The following VEZT variants were observed in gnomAD, a reference collection of about 807,000 sequenced individuals.
VEZT encodes vezatin, adherens junctions transmembrane protein.
VEZT carries 39 observed loss-of-function variants against 79.9 expected under a neutral mutation model. That is an observed-to-expected ratio of 0.49 (90% CI 0.38 to 0.64). VEZT has a LOEUF of 0.64. VEZT is among the 30% of genes least tolerant of loss of function. VEZT has a pLI of 0.00. For missense variants in VEZT, 837 were observed against 893.1 expected (o/e 0.94, Z 0.80); for synonymous variants, 325 against 327.6 (o/e 0.99, Z 0.09).
At chr12:95,285,857 A>G (rs1478479518) in intron 8 of VEZT, among the ~76,000 whole-genome samples, 1 of 152,166 alleles carries the variant, frequency 6.6e-6, no homozygotes, top group Admixed American at 6.6e-5. Flanking sequence ...GATGCAAAAA[A>G]GAAAAACCCA....
At chr12:95,265,066 G>A (rs1325249269) in intron 4 of VEZT, among the ~76,000 whole-genome samples, 1 of 151,736 alleles carries the variant, frequency 6.6e-6, no homozygotes, top group Non-Finnish European at 1.5e-5. Flanking sequence ...CTACTGTGTT[G>A]CCCAGTCTGG....
intron 6 of VEZT, among the ~76,000 whole-genome samples, chr12:95,272,390 G>T (rs1566201728): frequency 6.6e-6 from 1 of 152,306 alleles, no homozygotes; most frequent in East Asian, 1.9e-4. Flanking sequence ...ATAGACCAGT[G>T]AGTAGAAAGA....
At chr12:95,278,690 C>T (rs1461856748) in intron 7 of VEZT, among the ~76,000 whole-genome samples, 1 of 152,140 alleles carries the variant, frequency 6.6e-6, no homozygotes, top group African/African-American at 2.4e-5. Context: ...GTAAGTATTG[C>T]ACCTTTAGAA....
intron 9 of VEZT, among the ~76,000 whole-genome samples, chr12:95,291,955 T>C (rs553703201): frequency 1.1e-4 from 17 of 152,266 alleles, no homozygotes; most frequent in African/African-American, 3.6e-4. Flanking sequence ...TGCACCACCA[T>C]GCCCAGCTAG....
Position 95,242,876 on chromosome 12 carries a change from C to CAAAAAA in VEZT, c.37-9049_37-9044dup, listed in dbSNP as rs367689756. On this transcript the variant is annotated intron_variant, in intron 1 of 11. Coordinates refer to ENST00000436874, the MANE Select transcript of VEZT (RefSeq NM_017599.4). Reference sequence around the variant, plus strand: ...TGACAAGAGCATAACTCCATCTCACCAAAAAAAAAAAAAAAAAAAATCAGT... The same window carrying CAAAAAA: ...TGACAAGAGCATAACTCCATCTCACCAAAAAAAAAAAAAAAAAAAAAAAAAATCAGT... Among the ~76,000 whole-genome samples the CAAAAAA allele has an allele frequency of 1.6e-4, 10 of 64,304 alleles. No homozygotes were observed. The East Asian group carries it at 1.9e-3, about 12-fold the overall frequency. The allele number at this position is 64,304 out of a possible 152,430, so 42.2% of individuals were successfully genotyped here. A position where few individuals can be genotyped will look rare whatever the true frequency, so the allele number is the denominator to read the frequency against.
chr12:95,300,737 C>A lies in VEZT; in HGVS notation c.*64C>A. 1 of 1,469,440 alleles carries A rather than the reference C, an allele frequency of 6.8e-7. No homozygotes were observed. Among genetic ancestry groups the A allele is most frequent in the South Asian group, 1.4e-5 (1 of 69,210 alleles). 91.0% of individuals were successfully genotyped at this position (1,469,440 alleles called of 1,614,324 possible). A position where few individuals can be genotyped will look rare whatever the true frequency, so the allele number is the denominator to read the frequency against. On this transcript the variant is annotated 3_prime_UTR_variant, in exon 12 of 12. Coordinates refer to ENST00000436874, the MANE Select transcript of VEZT (RefSeq NM_017599.4). ...TTTACAAAAGTGTTTAGCTTCAAGA[C>A]TGGAAAGGGAATATGAGTGTAAGTT... is the stretch of plus-strand genomic sequence containing the variant.
At chr12:95,229,148 T>A (rs1179907677) in intron 1 of VEZT, among the ~76,000 whole-genome samples, 1 of 152,228 alleles carries the variant, frequency 6.6e-6, no homozygotes, top group Non-Finnish European at 1.5e-5. Context: ...TTCTTCTGTT[T>A]TGGCTTCTTC....
chr12:95,280,613 T>G (rs985929874), intron 7 of VEZT, among the ~76,000 whole-genome samples: 4 of 152,086 alleles, frequency 2.6e-5, no homozygotes, highest in African/African-American at 9.7e-5. Context: ...TTTCTTTTTC[T>G]TCCTCGACAA....
At chr12:95,217,989 G>C (rs2056941281) in intron 1 of VEZT, 103 bp downstream of exon 1, 1 of 1,234,984 alleles carries the variant, frequency 8.1e-7, no homozygotes. Flanking sequence ...CGGGTGACGC[G>C]CTCCAGCTGG....
intron 7 of VEZT, among the ~76,000 whole-genome samples, chr12:95,280,253 C>T (rs910426312): frequency 1.3e-5 from 2 of 152,130 alleles, no homozygotes; most frequent in Admixed American, 1.3e-4. Context: ...GCTTACCTGG[C>T]CCCAGCCGTA....
chr12:95,292,070 G>A (rs1008730238), intron 9 of VEZT, among the ~76,000 whole-genome samples: 1 of 152,198 alleles, frequency 6.6e-6, no homozygotes, highest in African/African-American at 2.4e-5. Flanking sequence ...AAAGTGCTGA[G>A]ATTACAGGCT....
chr12:95,233,998 G>T (rs557740587), intron 1 of VEZT, among the ~76,000 whole-genome samples: 3 of 152,268 alleles, frequency 2.0e-5, no homozygotes, highest in Admixed American at 1.3e-4. Context: ...AATAGTGTAT[G>T]ATGTATCTGT....
chr12:95,273,651 AG>A (rs2067081437), intron 6 of VEZT, among the ~76,000 whole-genome samples: 1 of 152,198 alleles, frequency 6.6e-6, no homozygotes, highest in Non-Finnish European at 1.5e-5. Context: ...ACTATAGAAA[AG>A]GTTAGAAAGT....
At chr12:95,246,413 G>T (rs2061731491) in intron 1 of VEZT, among the ~76,000 whole-genome samples, 1 of 152,062 alleles carries the variant, frequency 6.6e-6, no homozygotes, top group Non-Finnish European at 1.5e-5. Context: ...GTGAGCCACC[G>T]CACCCACCCA....
intron 1 of VEZT, among the ~76,000 whole-genome samples, chr12:95,232,525 C>G (rs1411201323): frequency 6.6e-6 from 1 of 152,194 alleles, no homozygotes; most frequent in Non-Finnish European, 1.5e-5. Context: ...AATTACTTCT[C>G]AAACATTACA....
intron 9 of VEZT, among the ~76,000 whole-genome samples, chr12:95,290,081 C>G (rs543070443): frequency 5.5e-4 from 84 of 152,278 alleles, no homozygotes; most frequent in African/African-American, 1.8e-3. Flanking sequence ...GTCATTTTAT[C>G]CACAGAACCC....
chr12:95,294,405 T>C (rs200304120), intron 10 of VEZT, 33 bp downstream of exon 10: 38 of 1,503,352 alleles, frequency 2.5e-5, no homozygotes, highest in Non-Finnish European at 3.0e-5. Context: ...TTTCCCTTGT[T>C]GGATTTCTGT....
chr12:95,278,180 T>C (rs938682547), intron 7 of VEZT, among the ~76,000 whole-genome samples: 1 of 152,282 alleles, frequency 6.6e-6, no homozygotes, highest in Non-Finnish European at 1.5e-5. Flanking sequence ...TGGTGTAGAG[T>C]AAGCAATTAA....
At chr12:95,229,837 C>T (rs912886222) in intron 1 of VEZT, among the ~76,000 whole-genome samples, 1 of 152,066 alleles carries the variant, frequency 6.6e-6, no homozygotes, top group South Asian at 2.1e-4. Flanking sequence ...TGCCTGTAAT[C>T]CCAGCACTTT....
Sources: gnomAD v4.1 joint callset for allele counts (sites outside exome capture counted in the v4.1 genomes callset) on GRCh38, gnomAD v4.1.1 for gene constraint, MANE v1.5 for transcripts, NCBI Gene and HGNC (gene_info 2026-07-23, HGNC 2026-07-21) for gene names.